SPPL2A: variants seen among roughly 807,000 people sequenced by gnomAD.
SPPL2A encodes signal peptide peptidase-like 2A.
In SPPL2A, 51 loss-of-function variants were observed where a neutral mutation model predicts 63.8. The observed-to-expected ratio is 0.80, with a 90% CI of 0.64 to 1.01. SPPL2A has a LOEUF of 1.01. Among genes scored for constraint, SPPL2A ranks in the 50% least tolerant of loss-of-function variants. The pLI, the probability that SPPL2A is intolerant of heterozygous loss-of-function variation, is 0.00. For synonymous variants in SPPL2A, 188 were observed against 205.8 expected (o/e 0.91, Z 0.74); for missense variants, 553 against 622.7 (o/e 0.89, Z 1.19).
Position 50,765,559 on chromosome 15 carries a change from G to T in SPPL2A, c.-26C>A. ...CGGACTGGTGGGTGCCGGGTGGGAC[G>T]GCACGGTGCGGCGCAGCTCACTCGG... On this transcript the variant is annotated 5_prime_UTR_variant, in exon 1 of 15. Coordinates refer to ENST00000261854, the MANE Select transcript of SPPL2A (RefSeq NM_032802.4). The T allele has an allele frequency of 6.9e-7, 1 of 1,450,208 alleles. No individual in the cohort carries two copies. The highest frequency in any genetic ancestry group is 9.0e-7 in the Non-Finnish European group (1 of 1,105,880). 89.8% of individuals were successfully genotyped at this position (1,450,208 alleles called of 1,614,324 possible).
intron 1 of SPPL2A, among the ~76,000 whole-genome samples, chr15:50,751,980 G>C (rs1240253731): frequency 6.6e-6 from 1 of 151,982 alleles, no homozygotes; most frequent in Non-Finnish European, 1.5e-5. Context: ...ATAGGTGCCT[G>C]CCACCACGCA....
At chr15:50,751,670 C>T (rs573934002) in intron 1 of SPPL2A, among the ~76,000 whole-genome samples, 2 of 152,240 alleles carry the variant, frequency 1.3e-5, no homozygotes, top group East Asian at 1.9e-4. Context: ...ACCATGTGAA[C>T]AGCCCAACAG....
intron 1 of SPPL2A, among the ~76,000 whole-genome samples, chr15:50,755,394 G>A (rs2062948621): frequency 6.6e-6 from 1 of 151,956 alleles, no homozygotes; most frequent in Non-Finnish European, 1.5e-5. Context: ...GCCAGTGCTG[G>A]AGGGCCACTT....
chr15:50,723,108 G>A (rs1474540889), intron 12 of SPPL2A, among the ~76,000 whole-genome samples: 2 of 152,138 alleles, frequency 1.3e-5, no homozygotes, highest in South Asian at 4.1e-4. Context: ...AAACCACAAT[G>A]AGATATCGCC....
intron 8 of SPPL2A, among the ~76,000 whole-genome samples, chr15:50,734,792 AAT>A (rs1290249943): frequency 6.6e-6 from 1 of 152,380 alleles, no homozygotes; most frequent in Non-Finnish European, 1.5e-5. Flanking sequence ...GTATCCCGTA[AAT>A]ATATATAGTC....
At chr15:50,715,528 T>C (rs2062593417) in intron 14 of SPPL2A, among the ~76,000 whole-genome samples, 1 of 151,958 alleles carries the variant, frequency 6.6e-6, no homozygotes, top group South Asian at 2.1e-4. Flanking sequence ...TATTCAACTA[T>C]TTCCAGTATG....
intron 1 of SPPL2A, among the ~76,000 whole-genome samples, chr15:50,760,486 C>G (rs947390619): frequency 2.6e-5 from 4 of 152,084 alleles, no homozygotes; most frequent in Non-Finnish European, 5.9e-5. Flanking sequence ...GTTTCGAACT[C>G]CTGACCTCAG....
At position 50,703,356 on chromosome 15, in the gene SPPL2A, A is replaced by ATATATATATTTTTTTT. The variant is rs1196710672; in HGVS notation, c.*4443_*4444insAAAAAAAATATATATA. 1 of 62,046 alleles carries ATATATATATTTTTTTT rather than the reference A, an allele frequency of 1.6e-5. No homozygotes were observed. The highest frequency in any genetic ancestry group is 7.0e-5 in the African/African-American group (1 of 14,228). The allele number at this position is 62,046 out of a possible 1,614,324, so 3.8% of individuals were successfully genotyped here. ...TATATATATATATATACATATATAT[A>ATATATATATTTTTTTT]TTTTTTTTTTTTTTTTTTTTTTTTG... On this transcript the variant is annotated 3_prime_UTR_variant, in exon 15 of 15. Transcript: ENST00000261854.
intron 1 of SPPL2A, among the ~76,000 whole-genome samples, chr15:50,765,255 CGGGAAAGTTGG>C: frequency 1.5e-5 from 2 of 130,946 alleles, no homozygotes; most frequent in Middle Eastern, 7.6e-3. Context: ...GAGTGGGGGG[CGGGAAAGTTGG>C]GGGAAAGAGG....
At chr15:50,721,069 G>A (rs1449287186) in intron 13 of SPPL2A, among the ~76,000 whole-genome samples, 6 of 150,500 alleles carry the variant, frequency 4.0e-5, no homozygotes, top group African/African-American at 1.2e-4. Flanking sequence ...ATGGAGCCTC[G>A]CTCAGTTGCC....
chr15:50,735,307 A>G (rs781472297), intron 8 of SPPL2A, among the ~76,000 whole-genome samples: 1 of 152,104 alleles, frequency 6.6e-6, no homozygotes, highest in Non-Finnish European at 1.5e-5. Flanking sequence ...GGTGAACAGT[A>G]TTCCATTGTG....
chr15:50,730,903 G>A (rs1394335769), intron 10 of SPPL2A, 62 bp downstream of exon 10: 74 of 716,512 alleles, frequency 1.0e-4, no homozygotes, highest in Non-Finnish European at 2.3e-5. Flanking sequence ...TAATCTAGGA[G>A]CAGATTTAAG....
At position 50,707,912 on chromosome 15, in the gene SPPL2A, T is replaced by A. The variant is rs766708301; in HGVS notation, c.1489-38A>T. 17 of 1,080,792 alleles carry A rather than the reference T, an allele frequency of 1.6e-5. 1 individual carries two copies. In the South Asian group the frequency reaches 2.1e-4, roughly 13 times the overall value. The allele number at this position is 1,080,792 out of a possible 1,614,324, so 67.0% of individuals were successfully genotyped here. A position where few individuals can be genotyped will look rare whatever the true frequency, so the allele number is the denominator to read the frequency against. ...AAAAGACGTTAGGAAATGCAAAATT[T>A]CAACTTGCCCCCAATATTCACTACA... On this transcript the variant is annotated intron_variant, in intron 14 of 14. Coordinates refer to ENST00000261854, the MANE Select transcript of SPPL2A (RefSeq NM_032802.4).
intron 3 of SPPL2A, 61 bp downstream of exon 3, chr15:50,748,627 C>T (rs1309462834): frequency 8.5e-7 from 1 of 1,170,990 alleles, no homozygotes; most frequent in Non-Finnish European, 1.2e-6. Flanking sequence ...ACGTTAATTC[C>T]ATTTTTGTGA....
chr15:50,765,421 G>A (rs1431977710), intron 1 of SPPL2A, 47 bp downstream of exon 1: 5 of 1,443,842 alleles, frequency 3.5e-6, no homozygotes, highest in African/African-American at 1.5e-5. Context: ...CTTGGCCCCG[G>A]CCCCGCCCAG....
At chr15:50,747,905 T>G (rs934375531) in intron 4 of SPPL2A, 6 of 462,924 alleles carry the variant, frequency 1.3e-5, no homozygotes, top group Non-Finnish European at 2.3e-5. Context: ...TTTAAAGAAC[T>G]GAAAACAAAC....
chr15:50,710,161 G>T (rs1443461402), intron 14 of SPPL2A, among the ~76,000 whole-genome samples: 2 of 152,156 alleles, frequency 1.3e-5, no homozygotes, highest in Non-Finnish European at 2.9e-5. Flanking sequence ...AGAATGGATG[G>T]TGGAGAAACC....
At chr15:50,734,324 T>C (rs2062753274) in intron 8 of SPPL2A, among the ~76,000 whole-genome samples, 1 of 152,150 alleles carries the variant, frequency 6.6e-6, no homozygotes, top group Non-Finnish European at 1.5e-5. Context: ...TGGAATATTA[T>C]TCAGCCATAA....
At chr15:50,723,527 G>T (rs1415978022) in intron 12 of SPPL2A, among the ~76,000 whole-genome samples, 1 of 152,122 alleles carries the variant, frequency 6.6e-6, no homozygotes, top group South Asian at 2.1e-4. Flanking sequence ...CCAGGTCAGA[G>T]TGCAGTGGTG....
Sources: gnomAD v4.1 joint callset for allele counts (sites outside exome capture counted in the v4.1 genomes callset) on GRCh38, gnomAD v4.1.1 for gene constraint, MANE v1.5 for transcripts, NCBI Gene and HGNC (gene_info 2026-07-23, HGNC 2026-07-21) for gene names.